The following KCNJ3 variants were observed in gnomAD, a reference collection of about 807,000 sequenced individuals.
The protein encoded by KCNJ3 is G protein-activated inward rectifier potassium channel 1.
KCNJ3 carries 4 observed loss-of-function variants against 39.2 expected under a neutral mutation model. The ratio of observed to expected loss-of-function variants is 0.10; its 90% CI spans 0.05 to 0.23. The LOEUF (loss-of-function observed/expected upper bound fraction) is 0.23. Among genes scored for constraint, KCNJ3 ranks in the 10% least tolerant of loss-of-function variants. The pLI is 1.00. For synonymous variants in KCNJ3, 230 were observed against 237.4 expected (o/e 0.97, Z 0.29); for missense variants, 276 against 634.9 (o/e 0.43, Z 6.08).
chr2:154,824,643 C>G (rs1394054232), intron 2 of KCNJ3, among the ~76,000 whole-genome samples: 1 of 152,108 alleles, frequency 6.6e-6, no homozygotes, highest in Non-Finnish European at 1.5e-5. Context: ...AATGGTATTT[C>G]TTGTATTGAG....
intron 2 of KCNJ3, among the ~76,000 whole-genome samples, chr2:154,777,042 GCACA>G (rs34640641): frequency 6.7e-6 from 1 of 150,124 alleles, no homozygotes; most frequent in East Asian, 2.0e-4. Flanking sequence ...ACGTACACAC[GCACA>G]CACACACACA....
intron 2 of KCNJ3, among the ~76,000 whole-genome samples, chr2:154,796,655 A>G (rs1198425336): frequency 6.6e-6 from 1 of 151,878 alleles, no homozygotes; most frequent in African/African-American, 2.4e-5. Flanking sequence ...TTTTTGTGAT[A>G]CTTATGAAAA....
intron 2 of KCNJ3, among the ~76,000 whole-genome samples, chr2:154,714,113 C>A (rs1395701398): frequency 1.3e-5 from 2 of 152,144 alleles, no homozygotes; most frequent in African/African-American, 4.8e-5. Flanking sequence ...GAAACTGTGT[C>A]TTTTATAGCT....
intron 2 of KCNJ3, among the ~76,000 whole-genome samples, chr2:154,820,337 C>T (rs1200753567): frequency 1.3e-5 from 2 of 152,134 alleles, no homozygotes; most frequent in South Asian, 2.1e-4. Flanking sequence ...CACTATGTAT[C>T]TTTATCCATT....
chr2:154,736,826 C>T (rs1304520723), intron 2 of KCNJ3, among the ~76,000 whole-genome samples: 1 of 152,000 alleles, frequency 6.6e-6, no homozygotes, highest in South Asian at 2.1e-4. Context: ...AGACAAGAAA[C>T]AAATGAGGTA....
At chr2:154,760,862 G>T (rs563383018) in intron 2 of KCNJ3, among the ~76,000 whole-genome samples, 1 of 146,366 alleles carries the variant, frequency 6.8e-6, no homozygotes, top group East Asian at 2.1e-4. Flanking sequence ...TCAGCCTCCC[G>T]AGTAGCTGGG....
rs368382307 is a variant in KCNJ3, at chr2:154,854,033, T to A, written c.920-694T>A. ...AGAATAGAACCAGCACAATGACTTT[T>A]CTTTTTCTAGCATATAAATATTACC... On this transcript the variant is annotated intron_variant, in intron 2 of 2. Coordinates refer to ENST00000295101, the MANE Select transcript of KCNJ3 (RefSeq NM_002239.4). Among the ~76,000 whole-genome samples, 5 of 152,176 alleles carry A rather than the reference T, an allele frequency of 3.3e-5. No individual in the cohort carries two copies. The East Asian group carries it at 9.6e-4, about 29-fold the overall frequency.
intron 2 of KCNJ3, among the ~76,000 whole-genome samples, chr2:154,820,155 C>T (rs1460743354): frequency 6.6e-6 from 1 of 152,060 alleles, no homozygotes; most frequent in Non-Finnish European, 1.5e-5. Flanking sequence ...TCAAATTCCA[C>T]CAGTTGTTTT....
At chr2:154,757,073 A>T (rs1418630765) in intron 2 of KCNJ3, among the ~76,000 whole-genome samples, 1 of 152,144 alleles carries the variant, frequency 6.6e-6, no homozygotes, top group Non-Finnish European at 1.5e-5. Flanking sequence ...TTAAATGTCA[A>T]AGTATTATAT....
At chr2:154,784,375 C>T (rs894279982) in intron 2 of KCNJ3, among the ~76,000 whole-genome samples, 16 of 152,036 alleles carry the variant, frequency 1.1e-4, no homozygotes, top group Non-Finnish European at 1.8e-4. Flanking sequence ...GAAGGACAGC[C>T]TATTTGTTTG....
chr2:154,773,000 A>G (rs940714563), intron 2 of KCNJ3, among the ~76,000 whole-genome samples: 14 of 152,100 alleles, frequency 9.2e-5, no homozygotes, highest in Non-Finnish European at 1.5e-4. Flanking sequence ...TTAGTGCTGT[A>G]AGATCTACAA....
intron 2 of KCNJ3, among the ~76,000 whole-genome samples, chr2:154,850,395 A>C (rs1029871167): frequency 2.0e-5 from 3 of 152,166 alleles, no homozygotes; most frequent in Admixed American, 2.0e-4. Context: ...AGAAACCATA[A>C]TGATATCTAC....
At chr2:154,845,161 C>G (rs1198767044) in intron 2 of KCNJ3, among the ~76,000 whole-genome samples, 1 of 152,138 alleles carries the variant, frequency 6.6e-6, no homozygotes, top group Non-Finnish European at 1.5e-5. Context: ...CTCAGTCTCC[C>G]AGGCTGGAGT....
rs141936301 is a variant in KCNJ3, at chr2:154,699,393, C to T, written c.618C>T (p.Asp206=). 47 of 1,609,246 alleles carry T rather than the reference C, an allele frequency of 2.9e-5. No individual in the cohort carries two copies. Among genetic ancestry groups the T allele is most frequent in the Middle Eastern group, 1.6e-4 (1 of 6,084 alleles). The change falls in exon 1 of 3, where the codon GAC becomes GAT. Residue 206 remains aspartate (D), a synonymous_variant. Coordinates refer to ENST00000295101, the MANE Select transcript of KCNJ3 (RefSeq NM_002239.4). This position sits in a 1 kb window ranked among gnomAD's most constrained non-coding sequence, Gnocchi z 6.4. ...FSEHAVISMR[D]GKLTLMFRVG... ...AGCACGCGGTGATCTCCATGAGGGA[C>T]GGAAAACTCACGCTTATGTTCCGGG...
chr2:154,841,177 A>G (rs1687568820), intron 2 of KCNJ3, among the ~76,000 whole-genome samples: 1 of 152,190 alleles, frequency 6.6e-6, no homozygotes, highest in Non-Finnish European at 1.5e-5. Flanking sequence ...ACGTTTCTGC[A>G]TTTATTGAGA....
chr2:154,840,472 T>A (rs1279453078), intron 2 of KCNJ3, among the ~76,000 whole-genome samples: 1 of 151,792 alleles, frequency 6.6e-6, no homozygotes, highest in East Asian at 1.9e-4. Flanking sequence ...TCCAATTCTG[T>A]GAAGTCATTG....
chr2:154,765,115 C>T (rs1247791219), intron 2 of KCNJ3, among the ~76,000 whole-genome samples: 6 of 152,168 alleles, frequency 3.9e-5, no homozygotes, highest in Non-Finnish European at 7.3e-5. Context: ...CATCTCTTGC[C>T]TCTACCCACC....
chr2:154,715,090 G>A (rs1371585197), intron 2 of KCNJ3, among the ~76,000 whole-genome samples: 5 of 152,156 alleles, frequency 3.3e-5, no homozygotes, highest in Non-Finnish European at 7.4e-5. Flanking sequence ...AATGCTCCAA[G>A]GGGGCAGGGT....
At position 154,777,334 on chromosome 2, in the gene KCNJ3, G is replaced by A. The variant is rs553299293; in HGVS notation, c.919+67515G>A. On this transcript the variant is annotated intron_variant, in intron 2 of 2. Transcript: ENST00000295101. ...GTGTTCGTGTGTGTCTCAAACTTAA[G>A]CAAATATTCTTTTAAATTTCCCATC... is the stretch of plus-strand genomic sequence containing the variant. 1.9e-4 allele frequency among the ~76,000 whole-genome samples: 29 copies of A among 152,188 alleles called. No homozygotes were observed. In the South Asian group the frequency reaches 5.8e-3, roughly 31 times the overall value.
Sources: gnomAD v4.1 joint callset for allele counts (sites outside exome capture counted in the v4.1 genomes callset) on GRCh38, gnomAD v4.1.1 for gene constraint, Gnocchi (gnomAD v3.1) non-coding constraint, MANE v1.5 for transcripts, NCBI Gene and HGNC (gene_info 2026-07-23, HGNC 2026-07-21) for gene names.